ASTN2: variants seen among roughly 807,000 people sequenced by gnomAD.
The protein encoded by ASTN2 is astrotactin 2.
Under a neutral mutation model 139.8 loss-of-function variants are expected in ASTN2, and 54 were observed. The ratio of observed to expected loss-of-function variants is 0.39; its 90% CI spans 0.31 to 0.48. The LOEUF (loss-of-function observed/expected upper bound fraction) is 0.48, where lower values mean the gene tolerates loss of function less well. Ranked by LOEUF, ASTN2 falls within the 20% of genes least tolerant of loss-of-function variation. The pLI, the probability that ASTN2 is intolerant of heterozygous loss-of-function variation, is 0.95. For synonymous variants in ASTN2, 756 were observed against 719.5 expected (o/e 1.05, Z -0.81); for missense variants, 1,565 against 1,725.1 (o/e 0.91, Z 1.64).
rs1053666806 is a variant in ASTN2 at position 116,905,865 on chromosome 9, T to G, written c.1890-42132A>C. 3.0e-3 allele frequency among the ~76,000 whole-genome samples: 315 copies of G among 106,662 alleles called. 2 individuals are homozygous for G. The highest frequency in any genetic ancestry group is 0.013 in the African/African-American group (294 of 22,100). 70.0% of individuals were successfully genotyped at this position (106,662 alleles called of 152,430 possible). A position where few individuals can be genotyped will look rare whatever the true frequency, so the allele number is the denominator to read the frequency against. On this transcript the variant is annotated intron_variant, in intron 10 of 22. Transcript: ENST00000313400. ...TAAGTGATCCCTGTTTTTTTTTTTT[T>G]TGGGGGGGGGTGCGGGGGGTGTGCC... is the stretch of plus-strand genomic sequence containing the variant.
chr9:116,926,372 C>G (rs1439563317), intron 10 of ASTN2, among the ~76,000 whole-genome samples: 1 of 152,210 alleles, frequency 6.6e-6, no homozygotes, highest in Non-Finnish European at 1.5e-5. Flanking sequence ...GTGCATAGAT[C>G]TCTTTGGTGC....
intron 19 of ASTN2, among the ~76,000 whole-genome samples, chr9:116,531,529 C>T (rs918821706): frequency 7.3e-5 from 10 of 136,520 alleles, no homozygotes; most frequent in Non-Finnish European, 1.3e-4. Flanking sequence ...CCCCACCCCA[C>T]GACAGGCCCC....
chr9:117,285,394 G>A (rs1156670382), intron 2 of ASTN2, among the ~76,000 whole-genome samples: 1 of 150,656 alleles, frequency 6.6e-6, no homozygotes, highest in East Asian at 2.0e-4. Context: ...AATGAATGAA[G>A]GAATATGCTA....
chr9:116,685,418 C>G (rs900575200), intron 16 of ASTN2, among the ~76,000 whole-genome samples: 1 of 152,202 alleles, frequency 6.6e-6, no homozygotes, highest in South Asian at 2.1e-4. Flanking sequence ...GTGAATTACT[C>G]TTTAACTATT....
intron 5 of ASTN2, 106 bp from the exon 6 acceptor site, chr9:117,040,071 A>G (rs1838510484): frequency 8.0e-7 from 1 of 1,255,788 alleles, no homozygotes; most frequent in Admixed American, 2.9e-5. Context: ...AATCTGAAAA[A>G]AGAAAAGAAA....
intron 7 of ASTN2, among the ~76,000 whole-genome samples, chr9:116,990,333 T>C (rs1438049382): frequency 6.6e-6 from 1 of 152,146 alleles, no homozygotes; most frequent in Non-Finnish European, 1.5e-5. Context: ...AGTTGCACGA[T>C]CTCAGCTCCT....
At chr9:117,408,531 T>G (rs1348207043) in intron 1 of ASTN2, among the ~76,000 whole-genome samples, 1 of 152,160 alleles carries the variant, frequency 6.6e-6, no homozygotes, top group Non-Finnish European at 1.5e-5. Flanking sequence ...CAAGGCTTAG[T>G]GTATAACAAA....
chr9:116,648,000 C>A (rs1362937089), intron 17 of ASTN2, among the ~76,000 whole-genome samples: 1 of 142,856 alleles, frequency 7.0e-6, no homozygotes, highest in African/African-American at 2.6e-5. Flanking sequence ...CCAATTTTTT[C>A]TTTTCTTTTT....
chr9:117,403,920 A>G (rs1830909750), intron 1 of ASTN2, among the ~76,000 whole-genome samples: 1 of 151,914 alleles, frequency 6.6e-6, no homozygotes, highest in South Asian at 2.1e-4. Flanking sequence ...CTTGCTGGGG[A>G]GGAGGGGAGG....
At chr9:116,482,690 C>T (rs1285661355) in intron 20 of ASTN2, among the ~76,000 whole-genome samples, 5 of 152,098 alleles carry the variant, frequency 3.3e-5, no homozygotes, top group African/African-American at 1.2e-4. Flanking sequence ...GCCCTCCCTT[C>T]TCCGGGGCTT....
intron 10 of ASTN2, among the ~76,000 whole-genome samples, chr9:116,949,454 G>T (rs1300919530): frequency 6.6e-6 from 1 of 151,986 alleles, no homozygotes; most frequent in Non-Finnish European, 1.5e-5. Context: ...GTTAAATGAT[G>T]AAATCTCCTT....
At chr9:117,272,633 T>A (rs1229005669) in intron 2 of ASTN2, among the ~76,000 whole-genome samples, 1 of 152,212 alleles carries the variant, frequency 6.6e-6, no homozygotes, top group Non-Finnish European at 1.5e-5. Context: ...GCTTTGCTGC[T>A]TAGAAATTTC....
In ASTN2 at chr9:117,241,936, A is replaced by C. The variant is rs899807780; in HGVS notation, c.631-27194T>G. On this transcript the variant is annotated intron_variant, in intron 2 of 22. Transcript: ENST00000313400. ...GAACGTGCAAGTTACCCCCCCCCAC[A>C]CACACACACACCACACACCCCTATA... Among the ~76,000 whole-genome samples, 220 of 141,496 alleles carry C rather than the reference A, an allele frequency of 1.6e-3. 4 individuals carry two copies. The highest frequency in any genetic ancestry group is 0.011 in the Admixed American group (153 of 13,518). The allele number at this position is 141,496 out of a possible 152,430, so 92.8% of individuals were successfully genotyped here.
intron 2 of ASTN2, among the ~76,000 whole-genome samples, chr9:117,234,795 G>T (rs756564111): frequency 1.3e-5 from 2 of 152,180 alleles, no homozygotes; most frequent in African/African-American, 2.4e-5. Context: ...GCAGAGCCAG[G>T]ACTAGAACCT....
chr9:117,144,789 C>G (rs1051609808), intron 3 of ASTN2, among the ~76,000 whole-genome samples: 3 of 147,154 alleles, frequency 2.0e-5, no homozygotes, highest in Non-Finnish European at 4.4e-5. Context: ...TCAAGCAATT[C>G]TTATGCCCCA....
At chr9:117,234,627 T>C (rs1461260686) in intron 2 of ASTN2, among the ~76,000 whole-genome samples, 1 of 152,190 alleles carries the variant, frequency 6.6e-6, no homozygotes, top group Non-Finnish European at 1.5e-5. Context: ...AATAAAGCCA[T>C]AAAAGAGGCG....
chr9:117,399,117 A>G (rs933013170), intron 1 of ASTN2, among the ~76,000 whole-genome samples: 7 of 152,192 alleles, frequency 4.6e-5, no homozygotes, highest in African/African-American at 1.7e-4. Context: ...AATACAATAA[A>G]CACACGTGTA....
At chr9:116,933,855 A>T (rs1264685701) in intron 10 of ASTN2, among the ~76,000 whole-genome samples, 1 of 152,080 alleles carries the variant, frequency 6.6e-6, no homozygotes, top group Non-Finnish European at 1.5e-5. Context: ...CTTCTGGCTA[A>T]ATAATGTCTT....
At chr9:117,223,255 C>A (rs1052705047) in intron 2 of ASTN2, among the ~76,000 whole-genome samples, 2 of 151,948 alleles carry the variant, frequency 1.3e-5, no homozygotes, top group Non-Finnish European at 2.9e-5. Flanking sequence ...CCCCAAGAGG[C>A]ATTTGGTAAT....
Sources: allele counts gnomAD v4.1 joint callset (sites outside exome capture counted in the v4.1 genomes callset), GRCh38; gene constraint gnomAD v4.1.1; transcripts MANE v1.5; gene names NCBI Gene and HGNC (gene_info 2026-07-23, HGNC 2026-07-21).